Variants in NEO1 observed in about 807,000 individuals in gnomAD.
The protein encoded by NEO1 is neogenin 1.
Under a neutral mutation model 159.7 loss-of-function variants are expected in NEO1, and 63 were observed. That is an observed-to-expected ratio of 0.39 (90% CI 0.32 to 0.49). The LOEUF (loss-of-function observed/expected upper bound fraction) is 0.49, where lower values mean the gene tolerates loss of function less well. Among genes scored for constraint, NEO1 ranks in the 20% least tolerant of loss-of-function variants. The pLI is 0.85. For missense variants in NEO1, 1,615 were observed against 1,831.0 expected (o/e 0.88, Z 2.15); for synonymous variants, 633 against 662.0 (o/e 0.96, Z 0.67).
chr15:73,129,689 C>G (rs528217571), intron 4 of NEO1, among the ~76,000 whole-genome samples: 5 of 152,242 alleles, frequency 3.3e-5, no homozygotes, highest in African/African-American at 9.6e-5. Context: ...ATTTAGTAGT[C>G]AAATAATGTT....
At position 73,261,953 on chromosome 15, in the gene NEO1, C is replaced by T. The variant is rs2040638264; in HGVS notation, c.2398+1488C>T. Among the ~76,000 whole-genome samples the T allele has an allele frequency of 2.0e-5, 3 of 151,984 alleles. No homozygotes were observed. The South Asian group carries it at 6.2e-4, about 32-fold the overall frequency. On this transcript the variant is annotated intron_variant, in intron 15 of 28. Coordinates refer to ENST00000261908, the MANE Select transcript of NEO1 (RefSeq NM_002499.4). ...ATACATCAATGGAACAGAATAGAGT[C>T]CAGAAATAGATCCATATGTATATAG...
intron 13 of NEO1, among the ~76,000 whole-genome samples, chr15:73,256,387 C>A (rs1247676694): frequency 6.6e-6 from 1 of 152,156 alleles, no homozygotes; most frequent in Non-Finnish European, 1.5e-5. Context: ...ATGATCCCAG[C>A]TACTTGAGAG....
chr15:73,107,747 T>A (rs1167307404), intron 1 of NEO1, among the ~76,000 whole-genome samples: 1 of 152,190 alleles, frequency 6.6e-6, no homozygotes, highest in Non-Finnish European at 1.5e-5. Context: ...CATATTTTCA[T>A]CAGTATAGCA....
chr15:73,144,739 C>A (rs62016850), intron 5 of NEO1, among the ~76,000 whole-genome samples: 35,794 of 152,112 alleles, frequency 0.24, 5,346 homozygotes, highest in Non-Finnish European at 0.34. Context: ...CCTCAGAAAT[C>A]GCATGTCCAA....
chr15:73,213,344 A>G (rs1030840537), intron 7 of NEO1, among the ~76,000 whole-genome samples: 1 of 152,094 alleles, frequency 6.6e-6, no homozygotes, highest in Non-Finnish European at 1.5e-5. Flanking sequence ...TTTAGTGGTG[A>G]TCTGTGAGAT....
At chr15:73,277,890 C>T (rs544686269) in intron 21 of NEO1, among the ~76,000 whole-genome samples, 16 of 152,320 alleles carry the variant, frequency 1.1e-4, no homozygotes, top group South Asian at 1.0e-3. Context: ...CAGTGACAGT[C>T]AGCTCACAGC....
At chr15:73,176,638 TTATATA>T (rs2035293527) in intron 6 of NEO1, 81 bp downstream of exon 6, 2 of 1,042,796 alleles carry the variant, frequency 1.9e-6, no homozygotes, top group African/African-American at 3.3e-5. Context: ...ATCAGTTATC[TTATATA>T]TACTAGTTTG....
chr15:73,189,644 C>T (rs1043319519), intron 7 of NEO1, among the ~76,000 whole-genome samples: 4 of 152,256 alleles, frequency 2.6e-5, no homozygotes, highest in African/African-American at 9.6e-5. Context: ...GCTATATATA[C>T]TGGCCATAGG....
intron 7 of NEO1, among the ~76,000 whole-genome samples, chr15:73,180,163 A>G (rs1338489074): frequency 2.0e-5 from 3 of 152,288 alleles, no homozygotes; most frequent in African/African-American, 4.8e-5. Context: ...ATTCAAGTCA[A>G]ATACAATCAG....
In NEO1 at chr15:73,298,343, T is replaced by G; in HGVS notation, c.3902-5T>G. Reference sequence around the variant, plus strand: ...AATGCTAACATTTAGACTTTCCTGCTGTAGAATCCGTTCGAAATACCCCCA... The same window carrying G: ...AATGCTAACATTTAGACTTTCCTGCGGTAGAATCCGTTCGAAATACCCCCA... On this transcript the variant is annotated splice_region_variant and splice_polypyrimidine_tract_variant and intron_variant, in intron 26 of 28. Coordinates refer to ENST00000261908, the MANE Select transcript of NEO1 (RefSeq NM_002499.4). 1 of 1,613,464 alleles carries G rather than the reference T, an allele frequency of 6.2e-7. No homozygotes were observed. The highest frequency in any genetic ancestry group is 1.1e-5 in the South Asian group (1 of 91,082).
chr15:73,155,538 T>C (rs2033713404), intron 5 of NEO1, among the ~76,000 whole-genome samples: 1 of 152,214 alleles, frequency 6.6e-6, no homozygotes, highest in Non-Finnish European at 1.5e-5. Flanking sequence ...TTTCATCAGT[T>C]GTTTCCTTAA....
rs112171911 is a variant in NEO1 at position 73,286,003 on chromosome 15, G to A, written c.3411-2310G>A. 1.7e-3 allele frequency among the ~76,000 whole-genome samples: 255 copies of A among 152,070 alleles called. 1 individual carries two copies. The highest frequency in any genetic ancestry group is 0.016 in the East Asian group (82 of 5,178). ...GCTGACCTCTTACTCGTTATTGGCC[G>A]CCTCTTCAGTATTTAAGTGTGCTCT... On this transcript the variant is annotated intron_variant, in intron 23 of 28. Transcript: ENST00000261908.
At chr15:73,166,376 G>C (rs1198617836) in intron 5 of NEO1, among the ~76,000 whole-genome samples, 3 of 152,156 alleles carry the variant, frequency 2.0e-5, no homozygotes, top group African/African-American at 7.2e-5. Flanking sequence ...ACTTCGGTCT[G>C]CCCACCCAGT....
intron 25 of NEO1, 149 bp downstream of exon 25, chr15:73,289,387 A>G: frequency 1.4e-6 from 1 of 692,296 alleles, no homozygotes; most frequent in South Asian, 1.8e-5. Flanking sequence ...AGTACCAAAC[A>G]CTTGCCATAT....
At chr15:73,112,902 A>T (rs141720303) in intron 1 of NEO1, among the ~76,000 whole-genome samples, 7 of 152,278 alleles carry the variant, frequency 4.6e-5, no homozygotes, top group African/African-American at 1.4e-4. Flanking sequence ...GTGAGTAGGC[A>T]TCTCATTTTT....
At chr15:73,075,034 TAGG>T (rs1403612291) in intron 1 of NEO1, among the ~76,000 whole-genome samples, 3 of 152,206 alleles carry the variant, frequency 2.0e-5, no homozygotes, top group Admixed American at 6.5e-5. Context: ...TACAGAGTCA[TAGG>T]AGGAATCATT....
intron 7 of NEO1, among the ~76,000 whole-genome samples, chr15:73,228,750 T>C (rs546239409): frequency 2.5e-4 from 38 of 152,252 alleles, no homozygotes; most frequent in African/African-American, 8.9e-4. Flanking sequence ...CTATGAGATA[T>C]TTTGTTAATT....
intron 1 of NEO1, among the ~76,000 whole-genome samples, chr15:73,088,183 G>C (rs549454100): frequency 1.1e-4 from 16 of 151,618 alleles, no homozygotes; most frequent in Admixed American, 2.0e-4. Context: ...TTTTTTTAAA[G>C]GAAGGAGTGG....
At chr15:73,086,782 G>A (rs534298128) in intron 1 of NEO1, among the ~76,000 whole-genome samples, 79 of 125,990 alleles carry the variant, frequency 6.3e-4, no homozygotes, top group Middle Eastern at 3.6e-3. Context: ...AGCCTCCTGA[G>A]TAGCTAGGAT....
Sources: allele counts gnomAD v4.1 joint callset (sites outside exome capture counted in the v4.1 genomes callset), GRCh38; gene constraint gnomAD v4.1.1; transcripts MANE v1.5; gene names NCBI Gene and HGNC (gene_info 2026-07-23, HGNC 2026-07-21).